The following DNAJC5 variants were observed in gnomAD, a reference collection of about 807,000 sequenced individuals.
The protein encoded by DNAJC5 is dnaJ homolog subfamily C member 5.
A neutral mutation model predicts 23.2 loss-of-function variants in DNAJC5; 1 was observed. The observed-to-expected ratio is 0.04, with a 90% CI of 0.02 to 0.20. The LOEUF (loss-of-function observed/expected upper bound fraction) is 0.20, where lower values mean the gene tolerates loss of function less well. Ranked by LOEUF, DNAJC5 falls within the 10% of genes least tolerant of loss-of-function variation. The probability of loss-of-function intolerance (pLI) is 1.00; values close to 1 mark genes in which losing one functional copy is unlikely to be tolerated. For synonymous variants in DNAJC5, 136 were observed against 120.0 expected (o/e 1.13, Z -0.87); for missense variants, 180 against 267.0 (o/e 0.67, Z 2.27).
intron 1 of DNAJC5, among the ~76,000 whole-genome samples, chr20:63,902,675 G>T (rs1173315076): frequency 3.4e-4 from 37 of 108,120 alleles, no homozygotes; most frequent in South Asian, 6.5e-4. Context: ...GCCTCATCTT[G>T]TTTTTTTTTT....
In DNAJC5 at chr20:63,932,572, G is replaced by A. The variant is rs2053682433; in HGVS notation, c.*1004G>A. 6.6e-6 allele frequency: 1 copy of A among 152,608 alleles called. No individual in the cohort carries two copies. The highest frequency in any genetic ancestry group is 6.5e-5 in the Admixed American group (1 of 15,276). The allele number at this position is 152,608 out of a possible 1,614,324, so 9.5% of individuals were successfully genotyped here. On this transcript the variant is annotated 3_prime_UTR_variant, in exon 5 of 5. Transcript: ENST00000360864. This position sits in a 1 kb window ranked among gnomAD's most constrained non-coding sequence, Gnocchi z 4.4. ...TGCATGTGTGAGCACCCAGCTACTG[G>A]GGACGGGGGCTCTCCCACGACCCCT...
rs1260903745 is a variant in DNAJC5 at position 63,920,377 on chromosome 20, G to A, written c.-11-7958G>A. 2.0e-5 allele frequency among the ~76,000 whole-genome samples: 3 copies of A among 152,244 alleles called. No homozygotes were observed. The highest frequency in any genetic ancestry group is 2.9e-5 in the Non-Finnish European group (2 of 68,048). ...CGGGAAGTGTGGTGGGTGTGGTGGG[G>A]GAAGGGGCTGGCGTCAGCAGGGCTC... On this transcript the variant is annotated intron_variant, in intron 1 of 4. Transcript: ENST00000360864. This position sits in a 1 kb window ranked among gnomAD's most constrained non-coding sequence, Gnocchi z 4.6.
chr20:63,934,025 A>G lies in DNAJC5; in HGVS notation c.*2457A>G, dbSNP rs1247358905. 6.6e-6 allele frequency: 1 copy of G among 152,218 alleles called. No individual in the cohort carries two copies. Among genetic ancestry groups the G allele is most frequent in the Non-Finnish European group, 1.5e-5 (1 of 68,016 alleles). The allele number at this position is 152,218 out of a possible 1,614,324, so 9.4% of individuals were successfully genotyped here. The stretch of plus-strand genomic sequence containing the variant: ...CCCTGCAGAATCTGTAAAACCTAAT[A>G]AATCATGGTTGTGGCCATTCTCACG... On this transcript the variant is annotated 3_prime_UTR_variant, in exon 5 of 5. Transcript: ENST00000360864.
At chr20:63,924,620 G>A (rs2427566) in intron 1 of DNAJC5, among the ~76,000 whole-genome samples, 52,230 of 151,844 alleles carry the variant, frequency 0.34, 10,718 homozygotes, top group East Asian at 0.81. Flanking sequence ...TTGGGAGGCC[G>A]AGGGGGGGAT....
intron 1 of DNAJC5, among the ~76,000 whole-genome samples, chr20:63,927,544 C>T (rs1022600596): frequency 6.7e-6 from 1 of 149,494 alleles, no homozygotes; most frequent in Non-Finnish European, 1.5e-5. Flanking sequence ...GTCCCCCCCC[C>T]CAAAAAAGAA....
At chr20:63,902,358 CTTTT>C (rs34309020) in intron 1 of DNAJC5, among the ~76,000 whole-genome samples, 91 of 83,360 alleles carry the variant, frequency 1.1e-3, no homozygotes, top group African/African-American at 4.7e-3. Context: ...CTGGCCTCAT[CTTTT>C]TTTTTTTTTT....
chr20:63,914,112 C>A (rs1164683943), intron 1 of DNAJC5, among the ~76,000 whole-genome samples: 1 of 152,144 alleles, frequency 6.6e-6, no homozygotes, highest in Non-Finnish European at 1.5e-5. Flanking sequence ...TTAGAGCAGC[C>A]CTGACGCCTG....
Position 63,903,778 on chromosome 20 carries a change from C to T in DNAJC5, c.-12+8455C>T, listed in dbSNP as rs563560699. 3.3e-5 allele frequency among the ~76,000 whole-genome samples: 5 copies of T among 152,140 alleles called. No individual in the cohort carries two copies. The South Asian group carries it at 8.3e-4, about 25-fold the overall frequency. The stretch of plus-strand genomic sequence containing the variant: ...TAGCCTGGCCAACATGGCGAAACCA[C>T]GTCTCTACTAAAAATACAAAAATTT... On this transcript the variant is annotated intron_variant, in intron 1 of 4. Coordinates refer to ENST00000360864, the MANE Select transcript of DNAJC5 (RefSeq NM_025219.3).
In DNAJC5 at chr20:63,920,568, T is replaced by C. The variant is rs2146293381; in HGVS notation, c.-11-7767T>C. On this transcript the variant is annotated intron_variant, in intron 1 of 4. Transcript: ENST00000360864. This position sits in a 1 kb window ranked among gnomAD's most constrained non-coding sequence, Gnocchi z 4.6. ...GCGTCCCTGCACGTGTGCGGTCTTGTCTGCCTAGGCATGTGTGCGGGCCCT... is the reference window on the plus strand; with the variant it reads ...GCGTCCCTGCACGTGTGCGGTCTTGCCTGCCTAGGCATGTGTGCGGGCCCT... 6.6e-6 allele frequency among the ~76,000 whole-genome samples: 1 copy of C among 152,386 alleles called. No homozygotes were observed. Among genetic ancestry groups the C allele is most frequent in the East Asian group, 1.9e-4 (1 of 5,196 alleles).
intron 1 of DNAJC5, among the ~76,000 whole-genome samples, chr20:63,906,621 A>G (rs1185240293): frequency 1.3e-5 from 2 of 151,864 alleles, no homozygotes; most frequent in African/African-American, 4.8e-5. Flanking sequence ...CGTCTCTACT[A>G]AAAATACAAA....
At position 63,929,564 on chromosome 20, in the gene DNAJC5, C is replaced by G. The variant is rs755284297; in HGVS notation, c.321+39C>G. The G allele has an allele frequency of 1.9e-6, 3 of 1,607,024 alleles. No individual in the cohort carries two copies. The highest frequency in any genetic ancestry group is 1.7e-6 in the Non-Finnish European group (2 of 1,177,568). ...GCCTGCCGTGCGGGCACCCGAGTCA[C>G]TCCTGCCGTGCGGGCACCCGAGTCT... On this transcript the variant is annotated intron_variant, in intron 3 of 4. Coordinates refer to ENST00000360864, the MANE Select transcript of DNAJC5 (RefSeq NM_025219.3). This position sits in a 1 kb window ranked among gnomAD's most constrained non-coding sequence, Gnocchi z 8.6.
chr20:63,911,038 T>C (rs1357739614), intron 1 of DNAJC5, among the ~76,000 whole-genome samples: 2 of 152,194 alleles, frequency 1.3e-5, no homozygotes, highest in East Asian at 3.8e-4. Context: ...CTTTTCTTTT[T>C]GAATTACTGT....
intron 1 of DNAJC5, among the ~76,000 whole-genome samples, chr20:63,907,054 A>C (rs2053452713): frequency 6.6e-6 from 1 of 152,090 alleles, no homozygotes; most frequent in Admixed American, 6.6e-5. Context: ...GAGCCACTGC[A>C]CTCCTACCTG....
chr20:63,905,599 C>G (rs946896430), intron 1 of DNAJC5, among the ~76,000 whole-genome samples: 2 of 150,126 alleles, frequency 1.3e-5, no homozygotes, highest in Non-Finnish European at 3.0e-5. Context: ...CGGAGTCTGG[C>G]TCTTGTCACC....
rs1043057997 is a variant in DNAJC5, at chr20:63,895,176, T to A, written c.-159T>A. 1.9e-5 allele frequency: 3 copies of A among 154,056 alleles called. No homozygotes were observed. The highest frequency in any genetic ancestry group is 7.3e-5 in the African/African-American group (3 of 41,128). The allele number at this position is 154,056 out of a possible 1,614,324, so 9.5% of individuals were successfully genotyped here. On this transcript the variant is annotated 5_prime_UTR_variant, in exon 1 of 5. Coordinates refer to ENST00000360864, the MANE Select transcript of DNAJC5 (RefSeq NM_025219.3). ...CTGCCGCTGCCGCTGCCGCTGCCGG[T>A]GCCGCACCCGCGCCCTCTGCCGCCG...
In DNAJC5 at chr20:63,928,979, G is replaced by A. The variant is rs569888163; in HGVS notation, c.108-333G>A. On this transcript the variant is annotated intron_variant, in intron 2 of 4. Transcript: ENST00000360864. The surrounding 1 kb of genome is among the most constrained non-coding windows in gnomAD (Gnocchi z 4.6). ...TCTTAAAGTGCCATCATTACGCCCC[G>A]CCGTGCTTACCGTTCACTTGGCACT... Among the ~76,000 whole-genome samples, 2 of 152,308 alleles carry A rather than the reference G, an allele frequency of 1.3e-5. No homozygotes were observed. The highest frequency in any genetic ancestry group is 4.8e-5 in the African/African-American group (2 of 41,572).
Position 63,931,606 on chromosome 20 carries a change from C to T in DNAJC5, c.*38C>T. Reference sequence around the variant, plus strand: ...CTGTGGTCAGAGGAGGAGCCGGCGCCTGGCCACGCCAACCTTAGAATCATG... The same window carrying T: ...CTGTGGTCAGAGGAGGAGCCGGCGCTTGGCCACGCCAACCTTAGAATCATG... On this transcript the variant is annotated 3_prime_UTR_variant, in exon 5 of 5. Transcript: ENST00000360864. This position sits in a 1 kb window ranked among gnomAD's most constrained non-coding sequence, Gnocchi z 9.6. 1 of 1,510,738 alleles carries T rather than the reference C, an allele frequency of 6.6e-7. No homozygotes were observed. Among genetic ancestry groups the T allele is most frequent in the Non-Finnish European group, 8.9e-7 (1 of 1,120,478 alleles). The allele number at this position is 1,510,738 out of a possible 1,614,324, so 93.6% of individuals were successfully genotyped here.
At chr20:63,911,885 G>T (rs550375725) in intron 1 of DNAJC5, among the ~76,000 whole-genome samples, 1 of 151,794 alleles carries the variant, frequency 6.6e-6, no homozygotes, top group African/African-American at 2.4e-5. Flanking sequence ...TCACCATGTT[G>T]CCCAGAATGA....
rs1351247015 is a variant in DNAJC5 at position 63,895,687 on chromosome 20, G to C, written c.-12+364G>C. Among the ~76,000 whole-genome samples the C allele has an allele frequency of 2.0e-5, 3 of 152,194 alleles. No homozygotes were observed. The South Asian group carries it at 6.2e-4, about 32-fold the overall frequency. On this transcript the variant is annotated intron_variant, in intron 1 of 4. Coordinates refer to ENST00000360864, the MANE Select transcript of DNAJC5 (RefSeq NM_025219.3). The stretch of plus-strand genomic sequence containing the variant: ...ACCCCCCGGGGTCTCCTCTCCTGCG[G>C]GGGGACTGGAGAAGCTGGGCCATCG...
Sources: allele counts gnomAD v4.1 joint callset (sites outside exome capture counted in the v4.1 genomes callset), GRCh38; gene constraint gnomAD v4.1.1; non-coding constraint Gnocchi (gnomAD v3.1); transcripts MANE v1.5; gene names NCBI Gene and HGNC (gene_info 2026-07-23, HGNC 2026-07-21).